KDM4C: variants seen among roughly 807,000 people sequenced by gnomAD.
KDM4C encodes lysine demethylase 4C.
Under a neutral mutation model 129.3 loss-of-function variants are expected in KDM4C, and 81 were observed. That is an observed-to-expected ratio of 0.63 (90% CI 0.52 to 0.75). The LOEUF is 0.75. KDM4C is among the 30% of genes least tolerant of loss of function. The pLI, the probability that KDM4C is intolerant of heterozygous loss-of-function variation, is 0.00. For missense variants in KDM4C, 1,457 were observed against 1,304.0 expected (o/e 1.12, Z -1.81); for synonymous variants, 573 against 456.1 (o/e 1.26, Z -3.26).
intron 8 of KDM4C, among the ~76,000 whole-genome samples, chr9:6,918,264 C>T (rs867838929): frequency 6.6e-6 from 1 of 152,166 alleles, no homozygotes; most frequent in African/African-American, 2.4e-5. Flanking sequence ...CAAGTGAGAA[C>T]ATGTGGTATT....
chr9:6,834,891 G>C (rs964610352), intron 4 of KDM4C: 2 of 1,275,828 alleles, frequency 1.6e-6, no homozygotes, highest in African/African-American at 1.5e-5. Flanking sequence ...TACTTCTTTG[G>C]CTGTACCACT....
At chr9:6,927,655 C>G (rs1822885667) in intron 8 of KDM4C, among the ~76,000 whole-genome samples, 2 of 152,180 alleles carry the variant, frequency 1.3e-5, no homozygotes, top group African/African-American at 4.8e-5. Context: ...GGTCTCAGTT[C>G]TGCTCTTGGG....
At chr9:7,119,127 A>C (rs1839230176) in intron 18 of KDM4C, among the ~76,000 whole-genome samples, 1 of 152,116 alleles carries the variant, frequency 6.6e-6, no homozygotes, top group Non-Finnish European at 1.5e-5. Flanking sequence ...CCAAGAAATT[A>C]CCTATTTTAG....
chr9:6,745,752 C>A (rs1817852806), intron 1 of KDM4C, among the ~76,000 whole-genome samples: 1 of 152,150 alleles, frequency 6.6e-6, no homozygotes, highest in African/African-American at 2.4e-5. Flanking sequence ...GATTCTCCTG[C>A]CTCAGCCTCC....
chr9:6,747,003 C>CAAAAAAAAA (rs58512756), intron 1 of KDM4C, among the ~76,000 whole-genome samples: 21 of 50,534 alleles, frequency 4.2e-4, no homozygotes, highest in Non-Finnish European at 4.8e-4. Context: ...GACTCCGTCT[C>CAAAAAAAAA]AAAAAAAAAA....
chr9:6,760,445 GTATATA>G (rs60954996), intron 1 of KDM4C, among the ~76,000 whole-genome samples: 1 of 142,522 alleles, frequency 7.0e-6, no homozygotes, highest in Admixed American at 7.0e-5. Context: ...CTACTCTTGG[GTATATA>G]TATATATATA....
chr9:6,930,697 CAT>C (rs1219765532), intron 8 of KDM4C, among the ~76,000 whole-genome samples: 5 of 147,430 alleles, frequency 3.4e-5, no homozygotes, highest in South Asian at 4.2e-4. Flanking sequence ...TAATTATTAA[CAT>C]ATCATATGAT....
At chr9:6,770,247 A>G (rs1385297750) in intron 1 of KDM4C, among the ~76,000 whole-genome samples, 2 of 152,084 alleles carry the variant, frequency 1.3e-5, no homozygotes, top group African/African-American at 4.8e-5. Flanking sequence ...TGTGTTGTAA[A>G]TCAAGGAAAA....
intron 1 of KDM4C, among the ~76,000 whole-genome samples, chr9:6,759,464 C>G (rs989928527): frequency 6.6e-6 from 1 of 152,164 alleles, no homozygotes; most frequent in Admixed American, 6.6e-5. Context: ...GGCCTCCGCG[C>G]AACCCGCCCA....
chr9:6,888,347 A>G (rs1351553479), intron 7 of KDM4C, among the ~76,000 whole-genome samples: 1 of 152,228 alleles, frequency 6.6e-6, no homozygotes, highest in East Asian at 1.9e-4. Context: ...CTATATTAAA[A>G]TCTTTTTTAT....
At chr9:6,725,342 TTC>T (rs1563910390) in intron 1 of KDM4C, among the ~76,000 whole-genome samples, 1 of 146,196 alleles carries the variant, frequency 6.8e-6, no homozygotes. Context: ...GTGTGTGTCT[TTC>T]TCTGTTTCCA....
At chr9:7,120,126 T>C (rs1313337646) in intron 18 of KDM4C, among the ~76,000 whole-genome samples, 1 of 152,118 alleles carries the variant, frequency 6.6e-6, no homozygotes, top group Non-Finnish European at 1.5e-5. Context: ...CAGAGTTCAC[T>C]GCTGTAGAAT....
At chr9:6,999,189 C>G (rs1452000853) in intron 12 of KDM4C, among the ~76,000 whole-genome samples, 1 of 152,158 alleles carries the variant, frequency 6.6e-6, no homozygotes, top group Non-Finnish European at 1.5e-5. Context: ...ATTATGCCCT[C>G]CTGCTCCTGG....
At chr9:7,046,318 T>C (rs560983324) in intron 15 of KDM4C, among the ~76,000 whole-genome samples, 1 of 151,954 alleles carries the variant, frequency 6.6e-6, no homozygotes, top group Non-Finnish European at 1.5e-5. Flanking sequence ...TCAGGACACT[T>C]TTTATAACAC....
chr9:6,886,548 G>A (rs1166887708), intron 6 of KDM4C, among the ~76,000 whole-genome samples: 2 of 145,762 alleles, frequency 1.4e-5, no homozygotes, highest in East Asian at 4.0e-4. Context: ...CTGGAGTACA[G>A]TGGCACGATC....
chr9:7,103,632 C>A, intron 17 of KDM4C, 53 bp from the exon 18 acceptor site: 11 of 1,170,948 alleles, frequency 9.4e-6, no homozygotes, highest in Non-Finnish European at 1.2e-5. Context: ...ATTGTGGGAA[C>A]TGACTGGGTT....
intron 8 of KDM4C, among the ~76,000 whole-genome samples, chr9:6,968,125 T>A (rs1326817353): frequency 1.3e-5 from 2 of 152,174 alleles, no homozygotes; most frequent in Non-Finnish European, 2.9e-5. Context: ...GTTTTAAAAT[T>A]TTTCAAAAGT....
At chr9:7,084,035 G>C (rs529018173) in intron 17 of KDM4C, among the ~76,000 whole-genome samples, 1 of 152,164 alleles carries the variant, frequency 6.6e-6, no homozygotes, top group Non-Finnish European at 1.5e-5. Context: ...GGCAGTCAAG[G>C]CTCTGGGTAA....
In KDM4C at chr9:6,904,021, C is replaced by T. The variant is rs142698627; in HGVS notation, c.921+10789C>T. Reference sequence around the variant, plus strand: ...TTGAGAGGCTGAGGTGGGCAGATCACTTGAGATCAGGAGTTCAGGACCAGC... The same window carrying T: ...TTGAGAGGCTGAGGTGGGCAGATCATTTGAGATCAGGAGTTCAGGACCAGC... On this transcript the variant is annotated intron_variant, in intron 8 of 21. Coordinates refer to ENST00000381309, the MANE Select transcript of KDM4C (RefSeq NM_015061.6). Among the ~76,000 whole-genome samples the T allele has an allele frequency of 5.3e-3, 807 of 152,282 alleles. 8 individuals are homozygous for T. Among genetic ancestry groups the T allele is most frequent in the African/African-American group, 0.018 (764 of 41,552 alleles).
Sources: allele counts gnomAD v4.1 joint callset (sites outside exome capture counted in the v4.1 genomes callset), GRCh38; gene constraint gnomAD v4.1.1; transcripts MANE v1.5; gene names NCBI Gene and HGNC (gene_info 2026-07-23, HGNC 2026-07-21).